The following R3HDM2 variants were observed in gnomAD, a reference collection of about 807,000 sequenced individuals.
R3HDM2 encodes R3H domain-containing protein 2.
A neutral mutation model predicts 124.5 loss-of-function variants in R3HDM2; 38 were observed. The observed-to-expected ratio is 0.31, with a 90% CI of 0.24 to 0.40. The LOEUF (loss-of-function observed/expected upper bound fraction) is 0.40, where lower values mean the gene tolerates loss of function less well. Among genes scored for constraint, R3HDM2 ranks in the 10% least tolerant of loss-of-function variants. The probability of loss-of-function intolerance (pLI) is 1.00; values close to 1 mark genes in which losing one functional copy is unlikely to be tolerated. For synonymous variants in R3HDM2, 391 were observed against 448.0 expected, an observed-to-expected ratio of 0.87 and a Z score of 1.61; for missense variants, 869 against 1,236.9, an observed-to-expected ratio of 0.70 and a Z score of 4.46.
chr12:57,415,916 TACA>T (rs761798995), intron 1 of R3HDM2, among the ~76,000 whole-genome samples: 5 of 152,158 alleles, frequency 3.3e-5, no homozygotes, highest in Non-Finnish European at 4.4e-5. Context: ...ACTACAAACA[TACA>T]ACAATTAAAT....
chr12:57,373,614 A>G (rs1341316208), intron 2 of R3HDM2, among the ~76,000 whole-genome samples: 1 of 151,760 alleles, frequency 6.6e-6, no homozygotes, highest in African/African-American at 2.4e-5. Context: ...GTTTGAGACC[A>G]GCCTGAACAA....
chr12:57,273,607 C>A (rs990948736), intron 14 of R3HDM2, among the ~76,000 whole-genome samples: 1 of 152,236 alleles, frequency 6.6e-6, no homozygotes, highest in East Asian at 1.9e-4. Context: ...TTAAATCACT[C>A]ATCTAGGCTT....
intron 12 of R3HDM2, among the ~76,000 whole-genome samples, chr12:57,286,584 T>C (rs2047381669): frequency 6.6e-6 from 1 of 152,070 alleles, no homozygotes; most frequent in African/African-American, 2.4e-5. Context: ...ACCAGTAGCT[T>C]AAAAGGTCTG....
chr12:57,399,525 G>C (rs1216891157), intron 1 of R3HDM2, among the ~76,000 whole-genome samples: 1 of 152,158 alleles, frequency 6.6e-6, no homozygotes, highest in African/African-American at 2.4e-5. Context: ...GCAATAAAAT[G>C]CCACCTCTTA....
intron 2 of R3HDM2, among the ~76,000 whole-genome samples, chr12:57,350,093 T>C (rs551139504): frequency 1.3e-5 from 2 of 152,048 alleles, no homozygotes; most frequent in African/African-American, 4.8e-5. Flanking sequence ...GCCTACAGTC[T>C]CAGCTACTTG....
Position 57,352,607 on chromosome 12 carries a change from C to A in R3HDM2, c.-35-42144G>T, listed in dbSNP as rs1209983923. ...TCCTGCACTCAGGCAATTCTCCTGT[C>A]TCAGCCTCGTGAGTAGCTGGGACTA... On this transcript the variant is annotated intron_variant, in intron 2 of 23. Transcript: ENST00000402412. Among the ~76,000 whole-genome samples, 14 of 151,260 alleles carry A rather than the reference C, an allele frequency of 9.3e-5. No individual in the cohort carries two copies. The Admixed American group carries it at 9.3e-4, about 10-fold the overall frequency.
intron 12 of R3HDM2, 141 bp downstream of exon 12, chr12:57,288,868 C>G: frequency 1.9e-6 from 3 of 1,550,790 alleles, no homozygotes; most frequent in Non-Finnish European, 2.6e-6. Flanking sequence ...TAAAAATCTG[C>G]CTTCTCTTGT....
chr12:57,330,593 C>T (rs1220767855), intron 2 of R3HDM2, among the ~76,000 whole-genome samples: 1 of 147,034 alleles, frequency 6.8e-6, no homozygotes, highest in South Asian at 2.2e-4. Flanking sequence ...GATCCACCCG[C>T]CTTGGCCTCC....
chr12:57,321,012 TAC>T (rs1327519423), intron 2 of R3HDM2, among the ~76,000 whole-genome samples: 1 of 152,196 alleles, frequency 6.6e-6, no homozygotes, highest in Non-Finnish European at 1.5e-5. Context: ...TCTCAATTGA[TAC>T]ATTTTAAAAA....
At chr12:57,280,613 ACTTTTT>A in intron 13 of R3HDM2, 83 bp from the exon 14 acceptor site, 1 of 1,295,158 alleles carries the variant, frequency 7.7e-7, no homozygotes, top group South Asian at 1.6e-5. Context: ...AGAGGGCTCT[ACTTTTT>A]CTTTGCCTTT....
intron 2 of R3HDM2, among the ~76,000 whole-genome samples, chr12:57,340,669 T>C (rs2059448473): frequency 6.6e-6 from 1 of 152,156 alleles, no homozygotes; most frequent in African/African-American, 2.4e-5. Context: ...TCAGAGTAAA[T>C]GAAAGCACAG....
intron 2 of R3HDM2, among the ~76,000 whole-genome samples, chr12:57,343,315 G>A (rs1271778185): frequency 2.7e-5 from 4 of 150,180 alleles, no homozygotes; most frequent in Admixed American, 1.3e-4. Context: ...TCAGCCTCCC[G>A]AGTAGCTAGG....
At chr12:57,353,667 C>T (rs578140175) in intron 2 of R3HDM2, among the ~76,000 whole-genome samples, 66 of 152,068 alleles carry the variant, frequency 4.3e-4, no homozygotes, top group African/African-American at 1.4e-3. Flanking sequence ...TCCCACCTCA[C>T]CCTCCCGAAT....
At chr12:57,340,671 A>AAAG (rs1392768075) in intron 2 of R3HDM2, among the ~76,000 whole-genome samples, 1 of 152,206 alleles carries the variant, frequency 6.6e-6, no homozygotes, top group African/African-American at 2.4e-5. Context: ...AGAGTAAATG[A>AAAG]AAGCACAGAA....
In R3HDM2 at chr12:57,261,886, G is replaced by T. The variant is rs867520096; in HGVS notation, c.2132-2827C>A. On this transcript the variant is annotated intron_variant, in intron 19 of 23. Transcript: ENST00000402412. ...GGGTTGAATAAGGAAATCAATTTCA[G>T]CTTGAAAGCTCTGAAAGGAGAGGGG... Among the ~76,000 whole-genome samples, 3 of 151,918 alleles carry T rather than the reference G, an allele frequency of 2.0e-5. No individual in the cohort carries two copies. In the South Asian group the frequency reaches 6.2e-4, roughly 31 times the overall value.
intron 19 of R3HDM2, among the ~76,000 whole-genome samples, chr12:57,265,778 G>A (rs1292216718): frequency 1.3e-5 from 2 of 151,444 alleles, no homozygotes; most frequent in East Asian, 1.9e-4. Context: ...TTACTACTGG[G>A]TGCGTCACCA....
chr12:57,268,814 T>A, intron 17 of R3HDM2, 108 bp downstream of exon 17: 1 of 1,342,374 alleles, frequency 7.4e-7, no homozygotes, highest in Non-Finnish European at 1.0e-6. Context: ...TAGGGGAAAG[T>A]AGACACTATT....
At chr12:57,313,685 G>A (rs960587442) in intron 2 of R3HDM2, among the ~76,000 whole-genome samples, 1 of 151,534 alleles carries the variant, frequency 6.6e-6, no homozygotes, top group Admixed American at 6.6e-5. Context: ...TTTGAGACTG[G>A]CCTGGGTGAC....
intron 2 of R3HDM2, among the ~76,000 whole-genome samples, chr12:57,386,205 T>G (rs1315012866): frequency 6.6e-6 from 1 of 152,336 alleles, no homozygotes; most frequent in Admixed American, 6.5e-5. Flanking sequence ...GGCTCCCACT[T>G]TGGCGGCACT....
Sources: gnomAD v4.1 joint callset for allele counts (sites outside exome capture counted in the v4.1 genomes callset) on GRCh38, gnomAD v4.1.1 for gene constraint, MANE v1.5 for transcripts, NCBI Gene and HGNC (gene_info 2026-07-23, HGNC 2026-07-21) for gene names.